CDH13: variants seen among roughly 807,000 people sequenced by gnomAD.
The protein encoded by CDH13 is cadherin 13, also known as cadherin-13.
A neutral mutation model predicts 63.8 loss-of-function variants in CDH13; 24 were observed. That is an observed-to-expected ratio of 0.38 (90% CI 0.27 to 0.53). The LOEUF is 0.53. CDH13 is among the 20% of genes least tolerant of loss of function. The pLI is 0.85. For synonymous variants in CDH13, 503 were observed against 355.3 expected, an observed-to-expected ratio of 1.42 and a Z score of -4.67; for missense variants, 1,049 against 903.1, an observed-to-expected ratio of 1.16 and a Z score of -2.07.
chr16:83,308,020 A>T (rs778688982), intron 5 of CDH13, among the ~76,000 whole-genome samples: 2 of 152,164 alleles, frequency 1.3e-5, no homozygotes, highest in Non-Finnish European at 2.9e-5. Context: ...TGTGTAAATC[A>T]TTGGCGTGTA....
At chr16:82,853,503 G>A (rs189085148) in intron 1 of CDH13, among the ~76,000 whole-genome samples, 23 of 152,146 alleles carry the variant, frequency 1.5e-4, no homozygotes, top group African/African-American at 4.6e-4. Flanking sequence ...TCCTCATAAC[G>A]GGTGAGATAC....
intron 6 of CDH13, among the ~76,000 whole-genome samples, chr16:83,356,969 C>G (rs1544814): frequency 6.6e-6 from 1 of 152,146 alleles, no homozygotes; most frequent in African/African-American, 2.4e-5. Context: ...TTCTTTCTTG[C>G]TCCAGTTTTC....
intron 1 of CDH13, among the ~76,000 whole-genome samples, chr16:82,692,749 T>C (rs1915763209): frequency 6.6e-6 from 1 of 152,160 alleles, no homozygotes; most frequent in Non-Finnish European, 1.5e-5. Context: ...ATATTCCTAG[T>C]TTCCGTGGAG....
intron 7 of CDH13, among the ~76,000 whole-genome samples, chr16:83,589,672 C>T (rs1041468547): frequency 5.9e-5 from 9 of 151,978 alleles, no homozygotes; most frequent in African/African-American, 2.2e-4. Context: ...CCACTGTGCT[C>T]GATACATGAA....
At chr16:83,096,012 C>G (rs531956618) in intron 3 of CDH13, among the ~76,000 whole-genome samples, 1 of 152,228 alleles carries the variant, frequency 6.6e-6, no homozygotes, top group African/African-American at 2.4e-5. Context: ...GAGGTAGCAA[C>G]AAGACAAAGG....
intron 1 of CDH13, among the ~76,000 whole-genome samples, chr16:82,716,149 A>C (rs1035009004): frequency 6.6e-6 from 1 of 152,170 alleles, no homozygotes; most frequent in Non-Finnish European, 1.5e-5. Flanking sequence ...CCAGAGAGCC[A>C]TGGCACTCCT....
intron 5 of CDH13, among the ~76,000 whole-genome samples, chr16:83,251,409 G>A (rs922310304): frequency 2.6e-5 from 4 of 152,144 alleles, no homozygotes; most frequent in Admixed American, 6.5e-5. Flanking sequence ...AGGCACCTGA[G>A]GCTCTTAGAA....
chr16:82,672,587 A>C (rs1177313939), intron 1 of CDH13, among the ~76,000 whole-genome samples: 1 of 151,706 alleles, frequency 6.6e-6, no homozygotes, highest in Non-Finnish European at 1.5e-5. Flanking sequence ...ATCATCCCCT[A>C]CTGCTTCCCC....
At chr16:83,315,124 T>C (rs1253338943) in intron 5 of CDH13, among the ~76,000 whole-genome samples, 2 of 152,208 alleles carry the variant, frequency 1.3e-5, no homozygotes, top group Non-Finnish European at 2.9e-5. Context: ...ACCAGCACAA[T>C]AGTAGCCTGT....
intron 1 of CDH13, among the ~76,000 whole-genome samples, chr16:82,852,939 G>A (rs1392357063): frequency 6.6e-6 from 1 of 152,014 alleles, no homozygotes; most frequent in Non-Finnish European, 1.5e-5. Context: ...TCCAAAGTTG[G>A]GTATATTCTT....
chr16:82,664,797 A>G (rs1160024882), intron 1 of CDH13, among the ~76,000 whole-genome samples: 1 of 152,228 alleles, frequency 6.6e-6, no homozygotes, highest in African/African-American at 2.4e-5. Context: ...AGTAACAACA[A>G]CATCAACGTA....
chr16:83,772,118 A>G (rs1340773021), intron 11 of CDH13, among the ~76,000 whole-genome samples: 4 of 152,230 alleles, frequency 2.6e-5, no homozygotes, highest in African/African-American at 4.8e-5. Flanking sequence ...TGAGATGCCT[A>G]TTAAACTATC....
chr16:83,528,659 A>C (rs1235660492), intron 7 of CDH13, among the ~76,000 whole-genome samples: 1 of 152,216 alleles, frequency 6.6e-6, no homozygotes, highest in East Asian at 1.9e-4. Context: ...AAATTTCCCA[A>C]CTATCTCCAT....
chr16:82,746,744 T>A (rs2151063223), intron 1 of CDH13, among the ~76,000 whole-genome samples: 1 of 152,296 alleles, frequency 6.6e-6, no homozygotes, highest in Non-Finnish European at 1.5e-5. Context: ...TCTTAAAATT[T>A]TTACTTGAAA....
chr16:83,038,166 A>G (rs887882024), intron 3 of CDH13, among the ~76,000 whole-genome samples: 1 of 152,202 alleles, frequency 6.6e-6, no homozygotes, highest in Admixed American at 6.5e-5. Flanking sequence ...TCTAAGGCAA[A>G]TATAATCACA....
At chr16:83,718,632 G>A (rs1330774412) in intron 10 of CDH13, among the ~76,000 whole-genome samples, 6 of 152,042 alleles carry the variant, frequency 3.9e-5, no homozygotes, top group Non-Finnish European at 7.4e-5. Flanking sequence ...GATATAGTAT[G>A]TTAACGAGCA....
At chr16:82,756,768 A>G (rs772207860) in intron 1 of CDH13, among the ~76,000 whole-genome samples, 17 of 152,162 alleles carry the variant, frequency 1.1e-4, no homozygotes, top group Non-Finnish European at 2.2e-4. Flanking sequence ...GCATTCTTGG[A>G]AGATTATGCT....
At chr16:83,073,352 TGTGAGAGAGA>T (rs781343680) in intron 3 of CDH13, among the ~76,000 whole-genome samples, 3 of 125,146 alleles carry the variant, frequency 2.4e-5, no homozygotes, top group Admixed American at 8.0e-5. Flanking sequence ...TGTGTGTGTG[TGTGAGAGAGA>T]GAGAGAGAGA....
chr16:83,433,161 C>T (rs541271713), intron 6 of CDH13, among the ~76,000 whole-genome samples: 9 of 152,298 alleles, frequency 5.9e-5, no homozygotes, highest in South Asian at 2.1e-4. Flanking sequence ...ACCAAGTCCC[C>T]GTCTTCCTGG....
Sources: gnomAD v4.1 joint callset for allele counts (sites outside exome capture counted in the v4.1 genomes callset) on GRCh38, gnomAD v4.1.1 for gene constraint, MANE v1.5 for transcripts, NCBI Gene and HGNC (gene_info 2026-07-23, HGNC 2026-07-21) for gene names.